Variants in RAVER2 observed in about 807,000 individuals in gnomAD.
RAVER2 encodes ribonucleoprotein PTB-binding 2.
In RAVER2, 46 loss-of-function variants were observed where a neutral mutation model predicts 78.1. That is an observed-to-expected ratio of 0.59 (90% CI 0.46 to 0.75). The LOEUF (loss-of-function observed/expected upper bound fraction) is 0.75, where lower values mean the gene tolerates loss of function less well. Among genes scored for constraint, RAVER2 ranks in the 30% least tolerant of loss-of-function variants. The pLI, the probability that RAVER2 is intolerant of heterozygous loss-of-function variation, is 0.00. For synonymous variants in RAVER2, 311 were observed against 313.3 expected (o/e 0.99, Z 0.08); for missense variants, 793 against 837.5 (o/e 0.95, Z 0.66).
At chr1:64,814,323 G>A (rs954710671) in intron 10 of RAVER2, among the ~76,000 whole-genome samples, 6 of 149,730 alleles carry the variant, frequency 4.0e-5, no homozygotes, top group East Asian at 2.0e-4. Flanking sequence ...AGCCAATCTC[G>A]AACTCCTGGG....
chr1:64,756,774 C>T (rs1651866728), intron 1 of RAVER2, among the ~76,000 whole-genome samples: 1 of 152,192 alleles, frequency 6.6e-6, no homozygotes, highest in Non-Finnish European at 1.5e-5. Flanking sequence ...GTTATCCTAT[C>T]TCCTTAGTCT....
At chr1:64,821,467 G>A (rs77210912) in intron 11 of RAVER2, among the ~76,000 whole-genome samples, 3,420 of 152,038 alleles carry the variant, frequency 0.022, 117 homozygotes, top group African/African-American at 0.076. Flanking sequence ...ATCTTTGCCC[G>A]TTCCTATGTC....
chr1:64,820,489 G>A (rs1170219758), intron 11 of RAVER2, among the ~76,000 whole-genome samples: 1 of 151,900 alleles, frequency 6.6e-6, no homozygotes, highest in African/African-American at 2.4e-5. Flanking sequence ...GGGTTTTTTT[G>A]TACATATTAT....
At chr1:64,768,516 T>G in intron 1 of RAVER2, 140 bp from the exon 2 acceptor site, 2 of 630,458 alleles carry the variant, frequency 3.2e-6, no homozygotes, top group East Asian at 5.6e-5. Flanking sequence ...AAGTAAGTAA[T>G]GGGGATCCAT....
rs773144237 is a variant in RAVER2 at position 64,777,747 on chromosome 1, C to G, written c.441C>G (p.Thr147=). Residue 147 remains threonine (T), a synonymous_variant, in exon 3 of 12, where the codon ACC becomes ACG. Transcript: ENST00000294428. ...CAACAGATGCTTTGTTGTGTATTAC[C>G]AACGTGCCCATTTCTTTTACATCAG... is the stretch of plus-strand genomic sequence containing the variant. 15 of 1,613,842 alleles carry G rather than the reference C, an allele frequency of 9.3e-6. No homozygotes were observed. The Admixed American group carries it at 2.2e-4, about 23-fold the overall frequency.
At chr1:64,823,554 A>G (rs925732799) in intron 11 of RAVER2, among the ~76,000 whole-genome samples, 1 of 152,216 alleles carries the variant, frequency 6.6e-6, no homozygotes, top group African/African-American at 2.4e-5. Flanking sequence ...AGGTCCTTCT[A>G]TGTCAAATGG....
intron 4 of RAVER2, among the ~76,000 whole-genome samples, chr1:64,785,593 T>A (rs1401649690): frequency 6.6e-6 from 1 of 152,132 alleles, no homozygotes; most frequent in Non-Finnish European, 1.5e-5. Flanking sequence ...GGTCTTGAAC[T>A]CCTGACCTCA....
At chr1:64,807,460 G>C (rs763151849) in exon 9 of RAVER2, 9 of 1,613,798 alleles carry the variant, frequency 5.6e-6, no homozygotes, top group Non-Finnish European at 7.6e-6. Flanking sequence ...AAAAGGCACA[G>C]AGATAAGTTC....
intron 3 of RAVER2, 38 bp from the exon 4 acceptor site, chr1:64,781,342 A>G (rs1557591857): frequency 6.8e-7 from 1 of 1,460,052 alleles, no homozygotes; most frequent in Non-Finnish European, 9.1e-7. Context: ...TTCTAAGTAA[A>G]GATCGGAATT....
chr1:64,748,493 A>AACAGTAAAGAACAGTG (rs1346776566), intron 1 of RAVER2, among the ~76,000 whole-genome samples: 11 of 152,238 alleles, frequency 7.2e-5, no homozygotes, highest in Non-Finnish European at 1.2e-4. Context: ...ACTTTTCCTC[A>AACAGTAAAGAACAGTG]AATTGTCCTT....
intron 2 of RAVER2, among the ~76,000 whole-genome samples, chr1:64,774,956 C>T (rs1292152579): frequency 6.6e-6 from 1 of 151,996 alleles, no homozygotes; most frequent in African/African-American, 2.4e-5. Flanking sequence ...TGGGAGTTTC[C>T]TCATGATTTG....
intron 2 of RAVER2, among the ~76,000 whole-genome samples, chr1:64,772,400 CATTT>C (rs1165127760): frequency 1.3e-5 from 2 of 152,058 alleles, no homozygotes; most frequent in African/African-American, 4.8e-5. Flanking sequence ...TTTATATATG[CATTT>C]ATTTATTCAT....
At chr1:64,804,391 A>G (rs1653353504) in intron 6 of RAVER2, among the ~76,000 whole-genome samples, 1 of 152,164 alleles carries the variant, frequency 6.6e-6, no homozygotes, top group African/African-American at 2.4e-5. Context: ...CTCACTAAGT[A>G]GCACAGTGCC....
intron 11 of RAVER2, chr1:64,815,462 T>G (rs933307955): frequency 7.2e-5 from 11 of 152,262 alleles, no homozygotes; most frequent in South Asian, 6.2e-4. Context: ...ATTTCAGTTT[T>G]GCTTTGGCCC....
At chr1:64,760,701 T>A (rs569498526) in intron 1 of RAVER2, among the ~76,000 whole-genome samples, 56 of 152,310 alleles carry the variant, frequency 3.7e-4, no homozygotes, top group African/African-American at 1.3e-3. Flanking sequence ...TGCAATGAGA[T>A]TTCTACCTGT....
intron 4 of RAVER2, among the ~76,000 whole-genome samples, chr1:64,784,453 C>A (rs1652723288): frequency 6.6e-6 from 1 of 152,088 alleles, no homozygotes; most frequent in Admixed American, 6.6e-5. Context: ...TTCCTATCTG[C>A]CTATGTGTTC....
chr1:64,759,821 T>TC (rs1448797934), intron 1 of RAVER2, among the ~76,000 whole-genome samples: 1 of 152,184 alleles, frequency 6.6e-6, no homozygotes, highest in African/African-American at 2.4e-5. Flanking sequence ...CGGCCTATTT[T>TC]CAGGTTTTTT....
At chr1:64,822,017 G>A (rs1316856639) in intron 11 of RAVER2, among the ~76,000 whole-genome samples, 1 of 152,262 alleles carries the variant, frequency 6.6e-6, no homozygotes, top group Admixed American at 6.5e-5. Context: ...GCCAGGCGCG[G>A]TGGCTCACGC....
chr1:64,832,940 AAGTC>A (rs3838402), exon 12 of RAVER2: 87,116 of 157,010 alleles, frequency 0.55, 27,014 homozygotes, highest in African/African-American at 0.85. Context: ...GAGCTGCAAA[AAGTC>A]AGTCAGTCAA....
Sources: allele counts gnomAD v4.1 joint callset (sites outside exome capture counted in the v4.1 genomes callset), GRCh38; gene constraint gnomAD v4.1.1; transcripts MANE v1.5; gene names NCBI Gene and HGNC (gene_info 2026-07-23, HGNC 2026-07-21).